The following RNF11 variants were observed in gnomAD, a reference collection of about 807,000 sequenced individuals.
RNF11 encodes the protein ring finger protein 11.
Under a neutral mutation model 15.8 loss-of-function variants are expected in RNF11, and 4 were observed. The ratio of observed to expected loss-of-function variants is 0.25; its 90% CI spans 0.12 to 0.58. The LOEUF is 0.58. RNF11 is among the 20% of genes least tolerant of loss of function. The pLI is 0.91. For synonymous variants in RNF11, 68 were observed against 72.3 expected, an observed-to-expected ratio of 0.94 and a Z score of 0.30; for missense variants, 139 against 194.4, an observed-to-expected ratio of 0.71 and a Z score of 1.70.
At chr1:51,251,442 C>CA (rs2148068575) in intron 1 of RNF11, 1 of 829,894 alleles carries the variant, frequency 1.2e-6, no homozygotes, top group African/African-American at 1.7e-5. Context: ...GCCTCCGGGC[C>CA]CCCCCCCGCT....
rs774250533 is a variant in RNF11 at position 51,236,895 on chromosome 1, T to C, written c.123+16T>C. The C allele has an allele frequency of 6.2e-7, 1 of 1,600,934 alleles. No homozygotes were observed. Among genetic ancestry groups the C allele is most frequent in the Non-Finnish European group, 8.5e-7 (1 of 1,173,370 alleles). On this transcript the variant is annotated intron_variant, in intron 1 of 2. Transcript: ENST00000242719. ...GCCATATCAGGTAGGGGAGGGTGTG[T>C]GTTGGGGGGAGCGAGTAGAGGCAGC...
At chr1:51,236,950 C>G (rs1646806413) in intron 1 of RNF11, 71 bp downstream of exon 1, 2 of 1,521,688 alleles carry the variant, frequency 1.3e-6, no homozygotes, top group Non-Finnish European at 1.8e-6. Flanking sequence ...GCTTCGGGGC[C>G]GTCTCTGCCC....
In RNF11 at chr1:51,272,778, C is replaced by G. The variant is rs1308680708; in HGVS notation, c.*1456C>G. On this transcript the variant is annotated 3_prime_UTR_variant, in exon 3 of 3. Coordinates refer to ENST00000242719, the MANE Select transcript of RNF11 (RefSeq NM_014372.5). The stretch of plus-strand genomic sequence containing the variant: ...TCTCAACCTAACATCAGAAGTGTTT[C>G]TTATTATTATTTTATATTGAGTTGA... 1.3e-5 allele frequency: 2 copies of G among 152,042 alleles called. No homozygotes were observed. Among genetic ancestry groups the G allele is most frequent in the Non-Finnish European group, 2.9e-5 (2 of 67,966 alleles). 9.4% of individuals were successfully genotyped at this position (152,042 alleles called of 1,614,324 possible).
intron 1 of RNF11, among the ~76,000 whole-genome samples, chr1:51,264,284 AAAAATATATATATATATATATAT>A (rs1315921153): frequency 1.2e-5 from 1 of 83,860 alleles, no homozygotes; most frequent in African/African-American, 5.6e-5. Flanking sequence ...AAAAAAAAAA[AAAAATATATATATATATATATAT>A]ATATATATAT....
intron 1 of RNF11, among the ~76,000 whole-genome samples, chr1:51,256,383 C>CAAA (rs958375568): frequency 6.6e-6 from 1 of 152,150 alleles, no homozygotes; most frequent in African/African-American, 2.4e-5. Context: ...CCATGTTTTT[C>CAAA]ATGGCTTGAT....
chr1:51,251,150 C>G, intron 1 of RNF11: 2 of 1,544,108 alleles, frequency 1.3e-6, no homozygotes, highest in Non-Finnish European at 1.8e-6. Flanking sequence ...TCTGCACTGG[C>G]ATAATCTTCA....
Position 51,271,219 on chromosome 1 carries a change from A to G in RNF11, c.362A>G (p.Tyr121Cys), listed in dbSNP as rs745794967. 3.1e-6 allele frequency: 5 copies of G among 1,614,046 alleles called. No homozygotes were observed. The highest frequency in any genetic ancestry group is 2.2e-5 in the East Asian group (1 of 44,888). ...PIRFLPCMHI[Y>C]HLDCIDDWLM... is the part of the protein sequence containing the mutation. The stretch of plus-strand genomic sequence containing the variant: ...CGATTTCTGCCGTGCATGCACATCT[A>G]TCACCTGGACTGTATAGATGACTGG... Residue 121 changes from tyrosine to cysteine, a missense_variant, in exon 3 of 3, where the codon TAT (tyrosine) becomes TGT (cysteine). Coordinates refer to ENST00000242719, the MANE Select transcript of RNF11 (RefSeq NM_014372.5).
intron 1 of RNF11, among the ~76,000 whole-genome samples, chr1:51,246,443 C>T (rs1646851971): frequency 6.6e-6 from 1 of 152,020 alleles, no homozygotes; most frequent in Non-Finnish European, 1.5e-5. Flanking sequence ...GGTGTGTTGG[C>T]ACATGCCTGT....
intron 1 of RNF11, among the ~76,000 whole-genome samples, chr1:51,242,609 A>G (rs1370777270): frequency 6.6e-6 from 1 of 152,190 alleles, no homozygotes; most frequent in Non-Finnish European, 1.5e-5. Flanking sequence ...TTAAGCATGC[A>G]ATGCTATAAT....
At chr1:51,247,902 T>C (rs1015966856) in intron 1 of RNF11, among the ~76,000 whole-genome samples, 19 of 152,150 alleles carry the variant, frequency 1.2e-4, no homozygotes, top group Admixed American at 9.8e-4. Flanking sequence ...ACTCTTAAAA[T>C]TTTCTGAACA....
chr1:51,259,300 C>T (rs1020726721), intron 1 of RNF11, among the ~76,000 whole-genome samples: 5 of 152,196 alleles, frequency 3.3e-5, no homozygotes, highest in Admixed American at 1.3e-4. Context: ...AAGCCCTTCA[C>T]TAAGCAAGCC....
At position 51,272,685 on chromosome 1, in the gene RNF11, G is replaced by T. The variant is rs1280048917; in HGVS notation, c.*1363G>T. The T allele has an allele frequency of 6.6e-6, 1 of 152,046 alleles. No individual in the cohort carries two copies. The highest frequency in any genetic ancestry group is 1.5e-5 in the Non-Finnish European group (1 of 67,978). 9.4% of individuals were successfully genotyped at this position (152,046 alleles called of 1,614,324 possible). On this transcript the variant is annotated 3_prime_UTR_variant, in exon 3 of 3. Coordinates refer to ENST00000242719, the MANE Select transcript of RNF11 (RefSeq NM_014372.5). ...TTTATTTTTTCATATGTACTCAAAG[G>T]TGACTTATTGGTTCACCTCAGTGAT... is the stretch of plus-strand genomic sequence containing the variant.
At chr1:51,257,044 A>T (rs754936537) in intron 1 of RNF11, among the ~76,000 whole-genome samples, 9 of 152,130 alleles carry the variant, frequency 5.9e-5, no homozygotes, top group South Asian at 2.1e-4. Context: ...CCTTGCCAGG[A>T]CTTAATGTCA....
intron 1 of RNF11, among the ~76,000 whole-genome samples, chr1:51,255,370 C>T (rs1372578518): frequency 6.6e-6 from 1 of 152,188 alleles, no homozygotes; most frequent in Admixed American, 6.5e-5. Context: ...AGCGATCCAC[C>T]TGCCTCAGCC....
At position 51,271,343 on chromosome 1, in the gene RNF11, T is replaced by C; in HGVS notation, c.*21T>C. Reference sequence around the variant, plus strand: ...ATTGAGCCAGGGTCTCTTATCTGACTTCAAGTGAACCACCATTTTGGTGGT... The same window carrying C: ...ATTGAGCCAGGGTCTCTTATCTGACCTCAAGTGAACCACCATTTTGGTGGT... On this transcript the variant is annotated 3_prime_UTR_variant, in exon 3 of 3. Transcript: ENST00000242719. 6.3e-7 allele frequency: 1 copy of C among 1,589,364 alleles called. No individual in the cohort carries two copies. Among genetic ancestry groups the C allele is most frequent in the Non-Finnish European group, 8.6e-7 (1 of 1,163,056 alleles).
At chr1:51,262,884 A>G (rs1443266332) in intron 1 of RNF11, among the ~76,000 whole-genome samples, 1 of 152,156 alleles carries the variant, frequency 6.6e-6, no homozygotes, top group East Asian at 1.9e-4. Flanking sequence ...AGGAGATAAC[A>G]AAAAGATAAT....
intron 1 of RNF11, among the ~76,000 whole-genome samples, chr1:51,254,622 C>G (rs955973996): frequency 4.6e-5 from 7 of 152,130 alleles, no homozygotes; most frequent in African/African-American, 1.7e-4. Context: ...GCCACCACTC[C>G]CTGCTAATTT....
rs1259979683 is a variant in RNF11 at position 51,259,976 on chromosome 1, A to G, written c.124-9980A>G. ...GTCTTAAAAGCCCCTAAAAGCAGAA[A>G]TGATATTACTTTGTGGATTGTTTAG... On this transcript the variant is annotated intron_variant, in intron 1 of 2. Coordinates refer to ENST00000242719, the MANE Select transcript of RNF11 (RefSeq NM_014372.5). Among the ~76,000 whole-genome samples, 5 of 152,236 alleles carry G rather than the reference A, an allele frequency of 3.3e-5. No homozygotes were observed. The East Asian group carries it at 7.7e-4, about 23-fold the overall frequency.
chr1:51,242,998 C>T (rs2148065193), intron 1 of RNF11, among the ~76,000 whole-genome samples: 1 of 152,282 alleles, frequency 6.6e-6, no homozygotes, highest in Admixed American at 6.5e-5. Context: ...TATTGAGGGG[C>T]AGATCAACTA....
Sources: allele counts gnomAD v4.1 joint callset (sites outside exome capture counted in the v4.1 genomes callset), GRCh38; gene constraint gnomAD v4.1.1; transcripts MANE v1.5; gene names NCBI Gene and HGNC (gene_info 2026-07-23, HGNC 2026-07-21).